CDKN2A: variants seen among roughly 807,000 people sequenced by gnomAD.
The protein encoded by CDKN2A is cyclin dependent kinase inhibitor 2A.
A neutral mutation model predicts 11.1 loss-of-function variants in CDKN2A; 3 were observed. The observed-to-expected ratio is 0.27, with a 90% CI of 0.12 to 0.70. The LOEUF (loss-of-function observed/expected upper bound fraction) is 0.70. CDKN2A is among the 30% of genes least tolerant of loss of function. The pLI is 0.77. For synonymous variants in CDKN2A, 122 were observed against 108.1 expected, an observed-to-expected ratio of 1.13 and a Z score of -0.80; for missense variants, 265 against 233.6, an observed-to-expected ratio of 1.13 and a Z score of -0.88.
chr9:21,974,975 A>C, upstream of CDKN2A: 6 of 1,407,680 alleles, frequency 4.3e-6, no homozygotes, highest in East Asian at 5.6e-5. The surrounding 1 kb of genome is among the most constrained non-coding windows in gnomAD (Gnocchi z 5.2). Context: ...TGTCCCTCAA[A>C]TCCTCTGGAG....
At chr9:21,985,531 G>A (rs1398852942) in intron 2 of CDKN2A, among the ~76,000 whole-genome samples, 1 of 151,950 alleles carries the variant, frequency 6.6e-6, no homozygotes, top group Admixed American at 6.6e-5. Context: ...TTCAGACTGT[G>A]ACAACCATTC....
At chr9:21,992,050 T>C in intron 2 of CDKN2A, 2 of 977,042 alleles carry the variant, frequency 2.0e-6, no homozygotes, top group Non-Finnish European at 2.4e-6. Flanking sequence ...GTTTCTGTGG[T>C]TAAGAAACTG....
chr9:21,977,434 C>T (rs1323411448), upstream of CDKN2A, among the ~76,000 whole-genome samples: 1 of 152,124 alleles, frequency 6.6e-6, no homozygotes, highest in Non-Finnish European at 1.5e-5. Context: ...CGATCTCTCT[C>T]GGTTCACTGC....
At chr9:21,969,943 C>T in intron 2 of CDKN2A, 2 of 396,602 alleles carry the variant, frequency 5.0e-6, no homozygotes, top group East Asian at 3.6e-5. Flanking sequence ...CTCCCCAGCT[C>T]CCCTATGGCC....
intron 1 of CDKN2A, among the ~76,000 whole-genome samples, chr9:21,972,342 T>C (rs1177972799): frequency 6.6e-6 from 1 of 152,154 alleles, no homozygotes; most frequent in Non-Finnish European, 1.5e-5. Flanking sequence ...TTAATGGTCT[T>C]GAGGGAGATT....
intron 2 of CDKN2A, among the ~76,000 whole-genome samples, chr9:21,983,987 G>T (rs1317492411): frequency 6.6e-6 from 1 of 151,974 alleles, no homozygotes; most frequent in Non-Finnish European, 1.5e-5. Flanking sequence ...TAAGGTTACT[G>T]TGAGGAATAA....
chr9:21,993,469 T>C lies in CDKN2A; in HGVS notation c.-4+413A>G, dbSNP rs187674321. Among the ~76,000 whole-genome samples the C allele has an allele frequency of 1.6e-4, 24 of 152,324 alleles. No individual in the cohort carries two copies. The East Asian group carries it at 4.4e-3, about 28-fold the overall frequency. ...CTGTCGTTTGCTAAACATACGAGCA[T>C]TGTCCCGAGCAGTTTCAATCACTCA... On this transcript the variant is annotated intron_variant, in intron 2 of 3. Coordinates refer to the CDKN2A transcript ENST00000494262.
chr9:21,968,703 T>TCGG lies in CDKN2A; in HGVS notation c.458-464_458-462dup. 1 of 1,536,178 alleles carries TCGG rather than the reference T, an allele frequency of 6.5e-7. No individual in the cohort carries two copies. Among genetic ancestry groups the TCGG allele is most frequent in the Non-Finnish European group, 8.7e-7 (1 of 1,146,910 alleles). ...AGGGCGCCTCAGGCTCTGGCGCTCCTCGGCGGAATCCCGTAGCTTCCCTAC... is the reference window on the plus strand; with the variant it reads ...AGGGCGCCTCAGGCTCTGGCGCTCCTCGGCGGCGGAATCCCGTAGCTTCCCTAC... On this transcript the variant is annotated intron_variant, in intron 2 of 2. Coordinates refer to ENST00000304494, the MANE Select transcript of CDKN2A (RefSeq NM_000077.5). This position sits in a 1 kb window ranked among gnomAD's most constrained non-coding sequence, Gnocchi z 4.7.
upstream of CDKN2A, among the ~76,000 whole-genome samples, chr9:21,978,958 A>G (rs1057512392): frequency 1.3e-5 from 2 of 152,226 alleles, no homozygotes; most frequent in African/African-American, 4.8e-5. Context: ...ACAGTTGTTT[A>G]GGGATTAAAT....
upstream of CDKN2A, among the ~76,000 whole-genome samples, chr9:21,978,510 G>A (rs1820094198): frequency 6.6e-6 from 1 of 152,066 alleles, no homozygotes; most frequent in Non-Finnish European, 1.5e-5. Context: ...ATATGATAAT[G>A]TATGTCCAAA....
chr9:21,974,422 T>C lies in CDKN2A; in HGVS notation c.150+256A>G, dbSNP rs1387494469. On this transcript the variant is annotated intron_variant, in intron 1 of 2. Transcript: ENST00000304494. The surrounding 1 kb of genome is among the most constrained non-coding windows in gnomAD (Gnocchi z 5.2). ...AGCATACTTCCATCTAATACAAATA[T>C]GTTCCCCCCTTCAGATCTTCTCAGC... 3.1e-6 allele frequency: 5 copies of C among 1,606,654 alleles called. No individual in the cohort carries two copies. Among genetic ancestry groups the C allele is most frequent in the Admixed American group, 1.7e-5 (1 of 59,796 alleles).
chr9:21,984,145 A>G (rs1199211598), intron 2 of CDKN2A, among the ~76,000 whole-genome samples: 1 of 151,970 alleles, frequency 6.6e-6, no homozygotes, highest in Non-Finnish European at 1.5e-5. Context: ...TTTTTCATTA[A>G]TTCCTGTACA....
chr9:21,970,826 C>A (rs2131090537), intron 2 of CDKN2A, 76 bp downstream of exon 2: 2 of 1,574,566 alleles, frequency 1.3e-6, no homozygotes, highest in Non-Finnish European at 8.6e-7. Context: ...CCGGGCTGAA[C>A]TTTCTGTGCT....
intron 2 of CDKN2A, among the ~76,000 whole-genome samples, chr9:21,983,456 C>G (rs1318364672): frequency 6.6e-6 from 1 of 152,068 alleles, no homozygotes; most frequent in Non-Finnish European, 1.5e-5. Flanking sequence ...CTACTTTTAA[C>G]AGCTGTAACA....
At chr9:21,990,528 CAA>C in intron 2 of CDKN2A, among the ~76,000 whole-genome samples, 1 of 149,224 alleles carries the variant, frequency 6.7e-6, no homozygotes, top group Middle Eastern at 3.5e-3. Flanking sequence ...TTGGAAAACT[CAA>C]AAGTGAAACG....
intron 2 of CDKN2A, among the ~76,000 whole-genome samples, chr9:21,983,529 T>C (rs921306408): frequency 6.6e-6 from 1 of 152,024 alleles, no homozygotes; most frequent in Non-Finnish European, 1.5e-5. Flanking sequence ...ATTTAAGGTG[T>C]TTCTAATTGC....
At chr9:21,975,229 G>T, upstream of CDKN2A, 1 of 984,514 alleles carries the variant, frequency 1.0e-6, no homozygotes, top group Non-Finnish European at 1.2e-6. Context: ...GCGCTCCCCC[G>T]CCTGCCAGCA....
At position 21,991,699 on chromosome 9, in the gene CDKN2A, C is replaced by G; in HGVS notation, c.-4+2183G>C. The G allele has an allele frequency of 1.0e-6, 1 of 981,906 alleles. No homozygotes were observed. Among genetic ancestry groups the G allele is most frequent in the Non-Finnish European group, 1.2e-6 (1 of 826,796 alleles). The allele number at this position is 981,906 out of a possible 1,614,324, so 60.8% of individuals were successfully genotyped here. ...TAATAGATCTGTAAACCATCATAGA[C>G]GGTAATAGGCTATGTTGTTGCTACC... is the stretch of plus-strand genomic sequence containing the variant. On this transcript the variant is annotated intron_variant, in intron 2 of 3. Coordinates refer to the CDKN2A transcript ENST00000494262. The surrounding 1 kb of genome is among the most constrained non-coding windows in gnomAD (Gnocchi z 5.2).
rs1442579782 is a variant in CDKN2A at position 21,991,325 on chromosome 9, TTGTTAG to T, written c.-4+2551_-4+2556del. On this transcript the variant is annotated intron_variant, in intron 2 of 3. Coordinates refer to the CDKN2A transcript ENST00000494262. The surrounding 1 kb of genome is among the most constrained non-coding windows in gnomAD (Gnocchi z 5.2). ...TTTTTTTTTTTAAGCTCATCAGCTA[TTGTTAG>T]TGTTAGTGTATTTAATGTGTGTCCC... is the stretch of plus-strand genomic sequence containing the variant. Among the ~76,000 whole-genome samples the T allele has an allele frequency of 2.0e-5, 3 of 151,832 alleles. No individual in the cohort carries two copies. Among genetic ancestry groups the T allele is most frequent in the African/African-American group, 4.8e-5 (2 of 41,276 alleles).
Sources: gnomAD v4.1 joint callset for allele counts (sites outside exome capture counted in the v4.1 genomes callset) on GRCh38, gnomAD v4.1.1 for gene constraint, Gnocchi (gnomAD v3.1) non-coding constraint, MANE v1.5 for transcripts, NCBI Gene and HGNC (gene_info 2026-07-23, HGNC 2026-07-21) for gene names.